The following C1orf141 variants were observed in gnomAD, a reference collection of about 807,000 sequenced individuals.
The protein encoded by C1orf141 is uncharacterized protein C1orf141.
C1orf141 carries 19 observed loss-of-function variants against 23.2 expected under a neutral mutation model. The ratio of observed to expected loss-of-function variants is 0.82; its 90% CI spans 0.57 to 1.20. The LOEUF is 1.20. C1orf141 is among the 50% of genes most tolerant of loss of function. The pLI is 0.00. For missense variants in C1orf141, 469 were observed against 455.1 expected (o/e 1.03, Z -0.28); for synonymous variants, 153 against 154.6 (o/e 0.99, Z 0.08).
chr1:67,124,597 G>A (rs1043196301), intron 4 of C1orf141, among the ~76,000 whole-genome samples: 4 of 152,170 alleles, frequency 2.6e-5, no homozygotes, highest in Admixed American at 2.6e-4. Flanking sequence ...AGGATTACAG[G>A]CGTGAGCCAC....
At chr1:67,128,819 G>A (rs1646467136) in intron 2 of C1orf141, among the ~76,000 whole-genome samples, 1 of 152,106 alleles carries the variant, frequency 6.6e-6, no homozygotes, top group African/African-American at 2.4e-5. Context: ...AGAAAGTACA[G>A]AATCATCAAT....
Position 67,092,327 on chromosome 1 carries a change from A to T in C1orf141, c.*678T>A, listed in dbSNP as rs1432512367. 6.6e-6 allele frequency: 1 copy of T among 152,324 alleles called. No homozygotes were observed. Among genetic ancestry groups the T allele is most frequent in the East Asian group, 1.9e-4 (1 of 5,302 alleles). 9.4% of individuals were successfully genotyped at this position (152,324 alleles called of 1,614,324 possible). ...GTTTGGGTTAATGAGAAACAGTAAA[A>T]TAGCAATGTAATAATATACCTTAAA... On this transcript the variant is annotated 3_prime_UTR_variant, in exon 8 of 8. Coordinates refer to ENST00000684719, the MANE Select transcript of C1orf141 (RefSeq NM_001276351.2).
At chr1:67,114,291 A>T (rs370043314) in intron 5 of C1orf141, among the ~76,000 whole-genome samples, 1 of 2,480 alleles carries the variant, frequency 4.0e-4, no homozygotes, top group Non-Finnish European at 8.1e-4. Flanking sequence ...ATAAACAATA[A>T]AAAAAAAAAA....
chr1:67,126,806 C>A (rs1558205311), intron 3 of C1orf141, among the ~76,000 whole-genome samples: 4 of 152,180 alleles, frequency 2.6e-5, no homozygotes, highest in Admixed American at 2.0e-4. Flanking sequence ...AGAGAAAGAT[C>A]GCACCAGCAA....
intron 2 of C1orf141, among the ~76,000 whole-genome samples, chr1:67,129,169 A>G (rs1646473486): frequency 6.6e-6 from 1 of 152,104 alleles, no homozygotes; most frequent in African/African-American, 2.4e-5. Flanking sequence ...TAAAGTATAC[A>G]GACATGCTGG....
intron 4 of C1orf141, among the ~76,000 whole-genome samples, chr1:67,125,267 A>C (rs1646383304): frequency 6.6e-6 from 1 of 152,224 alleles, no homozygotes. Flanking sequence ...ATTATACATA[A>C]TAAATATTTT....
At chr1:67,127,289 T>C (rs774562948) in intron 2 of C1orf141, 32 bp from the exon 3 acceptor site, 1 of 1,255,534 alleles carries the variant, frequency 8.0e-7, no homozygotes, top group South Asian at 1.3e-5. Flanking sequence ...GAAGAACAAA[T>C]CAATTCAAAT....
chr1:67,093,412 A>G lies in C1orf141; in HGVS notation c.796T>C (p.Phe266Leu), dbSNP rs1337630270. 6.2e-7 allele frequency: 1 copy of G among 1,612,302 alleles called. No individual in the cohort carries two copies. Among genetic ancestry groups the G allele is most frequent in the Non-Finnish European group, 8.5e-7 (1 of 1,179,118 alleles). ...GTAGGCATAGTTTTTTGGGGTTTGA[A>G]AAGAGAAATAGATTGATTGCCAATT... is the stretch of plus-strand genomic sequence containing the variant. ...SIIGNQSISL[F>L]KPQKTMPTVQ... The change falls in exon 8 of 8, where the codon TTC becomes CTC. Residue 266 changes from phenylalanine to leucine, a missense_variant. Physicochemically the swap from Phe to Leu is conservative, Grantham distance 22. Around this residue, in one of 3 missense-constraint regions of C1orf141, gnomAD observed 370 missense variants for 348.1 expected, o/e 1.06. Coordinates refer to ENST00000684719, the MANE Select transcript of C1orf141 (RefSeq NM_001276351.2).
chr1:67,098,284 G>T (rs1260538622), intron 5 of C1orf141, among the ~76,000 whole-genome samples: 1 of 152,208 alleles, frequency 6.6e-6, no homozygotes, highest in Admixed American at 6.5e-5. Context: ...GCTTTAAGAG[G>T]CTGAGGTGGG....
At position 67,113,371 on chromosome 1, in the gene C1orf141, T is replaced by G. The variant is rs1319504999; in HGVS notation, c.346+1981A>C. On this transcript the variant is annotated intron_variant, in intron 5 of 7. Coordinates refer to ENST00000684719, the MANE Select transcript of C1orf141 (RefSeq NM_001276351.2). ...AATATACAGGTCTTTGTTTCTTTTC[T>G]TTCTTTTTTTTTAGATGGAGTTTCA... Among the ~76,000 whole-genome samples, 8 of 151,718 alleles carry G rather than the reference T, an allele frequency of 5.3e-5. No homozygotes were observed. The East Asian group carries it at 9.7e-4, about 18-fold the overall frequency.
In C1orf141 at chr1:67,107,025, A is replaced by G. The variant is rs544932581; in HGVS notation, c.346+8327T>C. On this transcript the variant is annotated intron_variant, in intron 5 of 7. Coordinates refer to ENST00000684719, the MANE Select transcript of C1orf141 (RefSeq NM_001276351.2). The stretch of plus-strand genomic sequence containing the variant: ...TCTTTAAAACACAGCAAATTGCTGA[A>G]AGCAAAAATTATAATACTGTCCTGT... 3.9e-5 allele frequency among the ~76,000 whole-genome samples: 6 copies of G among 152,350 alleles called. No individual in the cohort carries two copies. In the South Asian group the frequency reaches 1.2e-3, roughly 32 times the overall value.
chr1:67,119,098 C>T (rs4335347), intron 4 of C1orf141, among the ~76,000 whole-genome samples: 7,179 of 152,202 alleles, frequency 0.047, 223 homozygotes, highest in South Asian at 0.074. Context: ...AAAATGCTGA[C>T]ATTGCCATGA....
upstream of C1orf141, among the ~76,000 whole-genome samples, chr1:67,136,658 A>T (rs1646588023): frequency 1.3e-5 from 2 of 152,220 alleles, no homozygotes; most frequent in South Asian, 4.1e-4. Flanking sequence ...TACAACTTTA[A>T]AATAGTTCTA....
intron 5 of C1orf141, among the ~76,000 whole-genome samples, chr1:67,112,605 G>A (rs1646098186): frequency 6.6e-6 from 1 of 152,112 alleles, no homozygotes; most frequent in Admixed American, 6.6e-5. Flanking sequence ...AAGAGACTGA[G>A]GTGGGAGGAT....
At chr1:67,118,846 C>T (rs1161595915) in intron 4 of C1orf141, among the ~76,000 whole-genome samples, 1 of 152,196 alleles carries the variant, frequency 6.6e-6, no homozygotes, top group African/African-American at 2.4e-5. Context: ...GAAGAATACC[C>T]TCACCAGACA....
At chr1:67,133,738 CGTT>C (rs1162281687) in intron 1 of C1orf141, among the ~76,000 whole-genome samples, 1 of 152,098 alleles carries the variant, frequency 6.6e-6, no homozygotes, top group African/African-American at 2.4e-5. Context: ...AGAGGAAAGT[CGTT>C]GTGAAGATTC....
intron 5 of C1orf141, among the ~76,000 whole-genome samples, chr1:67,106,492 C>T (rs758584194): frequency 6.6e-6 from 1 of 151,130 alleles, no homozygotes; most frequent in Non-Finnish European, 1.5e-5. Flanking sequence ...ACTAAAAATA[C>T]AAAAAAAGAA....
chr1:67,117,490 G>A (rs1043574749), intron 4 of C1orf141, among the ~76,000 whole-genome samples: 13 of 152,020 alleles, frequency 8.6e-5, no homozygotes, highest in African/African-American at 1.5e-4. Flanking sequence ...TCTTATCATC[G>A]TACTTTTTAA....
intron 5 of C1orf141, among the ~76,000 whole-genome samples, chr1:67,113,273 C>A (rs1185696907): frequency 6.6e-6 from 1 of 152,164 alleles, no homozygotes; most frequent in Non-Finnish European, 1.5e-5. Flanking sequence ...AACCACCCTG[C>A]CTGGTTGAAG....
Sources: gnomAD v4.1 joint callset for allele counts (sites outside exome capture counted in the v4.1 genomes callset) on GRCh38, gnomAD v4.1.1 for gene constraint, gnomAD v4.1.1 regional missense constraint, MANE v1.5 for transcripts, NCBI Gene and HGNC (gene_info 2026-07-23, HGNC 2026-07-21) for gene names.